Variants in GPC6 observed in about 807,000 individuals in gnomAD.
GPC6 encodes the protein glypican-6.
In GPC6, 14 loss-of-function variants were observed where a neutral mutation model predicts 55.2. The observed-to-expected ratio is 0.25, with a 90% CI of 0.17 to 0.40. The LOEUF (loss-of-function observed/expected upper bound fraction) is 0.40. Ranked by LOEUF, GPC6 falls within the 10% of genes least tolerant of loss-of-function variation. The pLI is 1.00. For synonymous variants in GPC6, 278 were observed against 259.6 expected, an observed-to-expected ratio of 1.07 and a Z score of -0.68; for missense variants, 641 against 708.5, an observed-to-expected ratio of 0.90 and a Z score of 1.08.
intron 2 of GPC6, among the ~76,000 whole-genome samples, chr13:93,804,786 T>C (rs1423579202): frequency 6.6e-6 from 1 of 152,144 alleles, no homozygotes; most frequent in Non-Finnish European, 1.5e-5. Context: ...CTGCAGGCAA[T>C]ATCTGAACTC....
chr13:93,592,275 C>G lies in GPC6; in HGVS notation c.319+46854C>G, dbSNP rs1877523448. 2.0e-5 allele frequency among the ~76,000 whole-genome samples: 3 copies of G among 151,250 alleles called. No individual in the cohort carries two copies. The South Asian group carries it at 6.3e-4, about 32-fold the overall frequency. ...TCTTAGCTCACTGAAACCTCTGCCT[C>G]CTGGGTTCAAGCGATTCTTGTGCTT... On this transcript the variant is annotated intron_variant, in intron 2 of 8. Transcript: ENST00000377047.
rs911708194 is a variant in GPC6, at chr13:94,402,928, A to T, written c.1466-87A>T. 22 of 965,492 alleles carry T rather than the reference A, an allele frequency of 2.3e-5. 1 individual carries two copies. In the African/African-American group the frequency reaches 2.9e-4, roughly 13 times the overall value. The allele number at this position is 965,492 out of a possible 1,614,324, so 59.8% of individuals were successfully genotyped here. A position where few individuals can be genotyped will look rare whatever the true frequency, so the allele number is the denominator to read the frequency against. On this transcript the variant is annotated intron_variant, in intron 8 of 8. Coordinates refer to ENST00000377047, the MANE Select transcript of GPC6 (RefSeq NM_005708.5). Reference sequence around the variant, plus strand: ...CCCCTGACAGGTGGGGATTATGGGGATTACAATTCAAGATGAGATTTGGGT... The same window carrying T: ...CCCCTGACAGGTGGGGATTATGGGGTTTACAATTCAAGATGAGATTTGGGT...
chr13:93,774,731 G>C (rs910834762), intron 2 of GPC6, among the ~76,000 whole-genome samples: 1 of 152,150 alleles, frequency 6.6e-6, no homozygotes, highest in African/African-American at 2.4e-5. Context: ...GACATATCCT[G>C]TTCTGGGCTC....
chr13:93,930,518 A>G (rs147607872), intron 3 of GPC6, among the ~76,000 whole-genome samples: 1,691 of 152,088 alleles, frequency 0.011, 33 homozygotes, highest in African/African-American at 0.039. Context: ...TGATCCACCC[A>G]CCACGGCCTC....
At chr13:93,336,222 C>T (rs986431387) in intron 1 of GPC6, among the ~76,000 whole-genome samples, 8 of 152,128 alleles carry the variant, frequency 5.3e-5, no homozygotes, top group Admixed American at 1.3e-4. Flanking sequence ...TTGGTAGAAG[C>T]GTTGTGTAAA....
Position 93,893,525 on chromosome 13 carries a change from G to A in GPC6, c.711+62980G>A, listed in dbSNP as rs141255643. ...GCCTGGGATTACAGACATGAGCCACGTGCCAGCCAACAAGGATGTTATTTA... is the reference window on the plus strand; with the variant it reads ...GCCTGGGATTACAGACATGAGCCACATGCCAGCCAACAAGGATGTTATTTA... On this transcript the variant is annotated intron_variant, in intron 3 of 8. Transcript: ENST00000377047. Among the ~76,000 whole-genome samples, 310 of 152,216 alleles carry A rather than the reference G, an allele frequency of 2.0e-3. 3 individuals carry two copies. The highest frequency in any genetic ancestry group is 7.3e-3 in the African/African-American group (302 of 41,558).
chr13:93,706,091 C>G lies in GPC6; in HGVS notation c.320-124063C>G, dbSNP rs573198567. Among the ~76,000 whole-genome samples the G allele has an allele frequency of 1.6e-4, 25 of 151,830 alleles. 1 individual carries two copies. In the South Asian group the frequency reaches 4.8e-3, roughly 29 times the overall value. ...TTTGCCAGTAGACAGTAAAAGGTAT[C>G]TACAAGGATTTTGCACATGGATTCT... is the stretch of plus-strand genomic sequence containing the variant. On this transcript the variant is annotated intron_variant, in intron 2 of 8. Coordinates refer to ENST00000377047, the MANE Select transcript of GPC6 (RefSeq NM_005708.5).
rs538889794 is a variant in GPC6, at chr13:93,782,753, T to C, written c.320-47401T>C. On this transcript the variant is annotated intron_variant, in intron 2 of 8. Coordinates refer to ENST00000377047, the MANE Select transcript of GPC6 (RefSeq NM_005708.5). Reference sequence around the variant, plus strand: ...TTTAAGAAATATTTGTTTAGGTCCTTAGTTCCATTTTAAAAATCAAATTAT... The same window carrying C: ...TTTAAGAAATATTTGTTTAGGTCCTCAGTTCCATTTTAAAAATCAAATTAT... 6.6e-4 allele frequency among the ~76,000 whole-genome samples: 100 copies of C among 152,282 alleles called. No individual in the cohort carries two copies. The South Asian group carries it at 0.02, about 30-fold the overall frequency.
chr13:93,317,915 A>G (rs752571060), intron 1 of GPC6, among the ~76,000 whole-genome samples: 1 of 152,196 alleles, frequency 6.6e-6, no homozygotes, highest in Non-Finnish European at 1.5e-5. Flanking sequence ...GGAGGGGAGG[A>G]TACAAGAGGA....
At chr13:93,545,590 T>C (rs1022145236) in intron 2 of GPC6, among the ~76,000 whole-genome samples, 169 bp downstream of exon 2, 1 of 152,188 alleles carries the variant, frequency 6.6e-6, no homozygotes, top group South Asian at 2.1e-4. Flanking sequence ...CAGTAATTTT[T>C]TTTTTTTTAG....
chr13:93,546,590 T>G (rs1390471515), intron 2 of GPC6, among the ~76,000 whole-genome samples: 1 of 152,212 alleles, frequency 6.6e-6, no homozygotes, highest in African/African-American at 2.4e-5. Context: ...TATATGTGGA[T>G]GTATATGAAA....
In GPC6 at chr13:94,382,540, A is replaced by C; in HGVS notation, c.1279A>C (p.Ser427Arg). The C allele has an allele frequency of 1.9e-6, 3 of 1,614,128 alleles. No homozygotes were observed. Among genetic ancestry groups the C allele is most frequent in the Non-Finnish European group, 2.5e-6 (3 of 1,180,000 alleles). ...CGAGGAGGAATGCTGGAACGGGCAC[A>C]GCAAAGCCAGGTGAGGGTGACTCGA... ...SNEEECWNGH[S>R]KARYLPEIMN... The change falls in exon 7 of 9, where the codon AGC (serine) becomes CGC (arginine). Residue 427 changes from serine to arginine, a missense_variant. Physicochemically the swap from Ser to Arg is moderately radical, Grantham distance 110. Coordinates refer to ENST00000377047, the MANE Select transcript of GPC6 (RefSeq NM_005708.5).
At chr13:93,447,603 A>G (rs2590560) in intron 1 of GPC6, among the ~76,000 whole-genome samples, 32,260 of 152,184 alleles carry the variant, frequency 0.21, 3,951 homozygotes, top group Non-Finnish European at 0.28. Context: ...TCTATTAAAT[A>G]TTCAAAACTC....
At chr13:93,250,586 G>A (rs1050070123) in intron 1 of GPC6, among the ~76,000 whole-genome samples, 8 of 152,106 alleles carry the variant, frequency 5.3e-5, no homozygotes, top group African/African-American at 4.8e-5. Context: ...TTGCAACTCC[G>A]CTGCTTTCTG....
intron 2 of GPC6, among the ~76,000 whole-genome samples, chr13:93,582,051 A>T (rs1876962091): frequency 6.6e-6 from 1 of 152,224 alleles, no homozygotes; most frequent in South Asian, 2.1e-4. Context: ...AAGCTTTTGG[A>T]TTATCTGGTG....
intron 7 of GPC6, among the ~76,000 whole-genome samples, chr13:94,384,428 A>G (rs1057172078): frequency 4.6e-5 from 7 of 152,166 alleles, no homozygotes; most frequent in African/African-American, 1.7e-4. Context: ...TCTGTTTCCC[A>G]TCTGTGTTTA....
At chr13:94,335,374 G>A (rs951429591) in intron 6 of GPC6, among the ~76,000 whole-genome samples, 1 of 152,160 alleles carries the variant, frequency 6.6e-6, no homozygotes, top group Non-Finnish European at 1.5e-5. Flanking sequence ...AGGAGTCTCC[G>A]AGCCACACTG....
chr13:93,225,493 T>TTGG (rs1555335695), upstream of GPC6, among the ~76,000 whole-genome samples: 1 of 15,516 alleles, frequency 6.4e-5, no homozygotes, highest in Non-Finnish European at 3.8e-4. Flanking sequence ...GGAGTTTTTT[T>TTGG]TTTTGTTTTG....
At chr13:93,661,726 AT>A (rs1880930724) in intron 2 of GPC6, among the ~76,000 whole-genome samples, 1 of 152,174 alleles carries the variant, frequency 6.6e-6, no homozygotes, top group African/African-American at 2.4e-5. Flanking sequence ...TAGTAATCAA[AT>A]TTTGTGAGTG....
Sources: allele counts gnomAD v4.1 joint callset (sites outside exome capture counted in the v4.1 genomes callset), GRCh38; gene constraint gnomAD v4.1.1; transcripts MANE v1.5; gene names NCBI Gene and HGNC (gene_info 2026-07-23, HGNC 2026-07-21).